Variants in KATNIP observed in about 807,000 individuals in gnomAD.
KATNIP encodes the protein katanin interacting protein.
KATNIP carries 126 observed loss-of-function variants against 174.0 expected under a neutral mutation model. That is an observed-to-expected ratio of 0.72 (90% CI 0.63 to 0.84). KATNIP has a LOEUF of 0.84. Among genes scored for constraint, KATNIP ranks in the 40% least tolerant of loss-of-function variants. The pLI is 0.00. For missense variants in KATNIP, 1,958 were observed against 2,109.7 expected, an observed-to-expected ratio of 0.93 and a Z score of 1.41; for synonymous variants, 810 against 835.7, an observed-to-expected ratio of 0.97 and a Z score of 0.53.
rs554360207 is a variant in KATNIP, at chr16:27,772,838, G to T, written c.4199-261G>T. On this transcript the variant is annotated intron_variant, in intron 22 of 27. Transcript: ENST00000261588. ...TGAATTCCTAATACACACACACACG[G>T]GCACACGCACACGTGCACACATGCA... Among the ~76,000 whole-genome samples the T allele has an allele frequency of 3.9e-4, 59 of 151,878 alleles. 2 individuals carry two copies. In the South Asian group the frequency reaches 0.012, roughly 32 times the overall value.
chr16:27,658,666 G>C (rs995762419), intron 6 of KATNIP, among the ~76,000 whole-genome samples: 1 of 152,156 alleles, frequency 6.6e-6, no homozygotes, highest in African/African-American at 2.4e-5. Context: ...ACCTGGAGGG[G>C]AGACGATGTC....
chr16:27,693,747 GT>G (rs1276189965), intron 8 of KATNIP, among the ~76,000 whole-genome samples: 1 of 152,168 alleles, frequency 6.6e-6, no homozygotes, highest in Non-Finnish European at 1.5e-5. Flanking sequence ...GTTCCTCTAG[GT>G]GCCTTGACCC....
intron 3 of KATNIP, among the ~76,000 whole-genome samples, chr16:27,620,516 C>T (rs1221184485): frequency 6.6e-6 from 1 of 152,018 alleles, no homozygotes; most frequent in East Asian, 1.9e-4. Context: ...CTGGACTCTA[C>T]GTTTTGCTTG....
rs372437542 is a variant in KATNIP, at chr16:27,660,514, A to G, written c.540+11779A>G. 6.6e-4 allele frequency among the ~76,000 whole-genome samples: 101 copies of G among 152,254 alleles called. 3 individuals carry two copies. The South Asian group carries it at 0.02, about 31-fold the overall frequency. On this transcript the variant is annotated intron_variant, in intron 6 of 27. Transcript: ENST00000261588. The stretch of plus-strand genomic sequence containing the variant: ...CAGTGAGCCGAGATGGCACCACTGC[A>G]CTCCAGCCTGGGCAACAGAGCAAGA...
chr16:27,700,980 G>A (rs531305850), intron 10 of KATNIP, among the ~76,000 whole-genome samples: 16 of 152,174 alleles, frequency 1.1e-4, no homozygotes, highest in East Asian at 5.8e-4. Flanking sequence ...GACTAAAATC[G>A]TCTGCAGATG....
Position 27,771,464 on chromosome 16 carries a change from C to T in KATNIP, c.4134-124C>T, listed in dbSNP as rs1285401109. Reference sequence around the variant, plus strand: ...GAGCAGGGGCCTCATCTCTCTTTTCCCTGCTGCATCCTAGGGAACGCTAAA... The same window carrying T: ...GAGCAGGGGCCTCATCTCTCTTTTCTCTGCTGCATCCTAGGGAACGCTAAA... On this transcript the variant is annotated intron_variant, in intron 21 of 27. Coordinates refer to ENST00000261588, the MANE Select transcript of KATNIP (RefSeq NM_015202.5). 3.6e-6 allele frequency: 3 copies of T among 826,646 alleles called. No individual in the cohort carries two copies. In the East Asian group the frequency reaches 8.0e-5, roughly 22 times the overall value. 51.2% of individuals were successfully genotyped at this position (826,646 alleles called of 1,614,324 possible). A position where few individuals can be genotyped will look rare whatever the true frequency, so the allele number is the denominator to read the frequency against.
chr16:27,648,714 C>T lies in KATNIP; in HGVS notation c.519C>T (p.Asn173=), dbSNP rs1567250776. The change falls in exon 6 of 28, where the codon AAC becomes AAT. Residue 173 remains asparagine, a synonymous_variant. Coordinates refer to ENST00000261588, the MANE Select transcript of KATNIP (RefSeq NM_015202.5). The part of the protein sequence containing the change: ...LCGDVTLQAN[N]TSEDRPQELR... ...GGGATGTGACTCTCCAGGCAAACAA[C>T]ACTTCTGAGGATCGTCCGCAGGTAG... 2 of 1,614,084 alleles carry T rather than the reference C, an allele frequency of 1.2e-6. No individual in the cohort carries two copies. Among genetic ancestry groups the T allele is most frequent in the South Asian group, 1.1e-5 (1 of 91,072 alleles).
At chr16:27,699,973 C>T (rs559697839) in intron 10 of KATNIP, among the ~76,000 whole-genome samples, 160 of 152,052 alleles carry the variant, frequency 1.1e-3, no homozygotes, top group African/African-American at 3.6e-3. Flanking sequence ...TGCAATGGTG[C>T]AATCTCGGCT....
intron 2 of KATNIP, among the ~76,000 whole-genome samples, chr16:27,583,593 G>A (rs1334704007): frequency 6.6e-6 from 1 of 152,166 alleles, no homozygotes; most frequent in African/African-American, 2.4e-5. Context: ...AGTCCTGGCT[G>A]CTGTCACTGA....
At position 27,623,867 on chromosome 16, in the gene KATNIP, C is replaced by T. The variant is rs190018316; in HGVS notation, c.141-4794C>T. ...CGCTGCCCTCTGAGAACACAGTGACCTGCCCTTTGTGTTCAAAGGGCCCTT... is the reference window on the plus strand; with the variant it reads ...CGCTGCCCTCTGAGAACACAGTGACTTGCCCTTTGTGTTCAAAGGGCCCTT... On this transcript the variant is annotated intron_variant, in intron 3 of 27. Coordinates refer to ENST00000261588, the MANE Select transcript of KATNIP (RefSeq NM_015202.5). Among the ~76,000 whole-genome samples, 32 of 152,272 alleles carry T rather than the reference C, an allele frequency of 2.1e-4. No individual in the cohort carries two copies. The East Asian group carries it at 6.2e-3, about 30-fold the overall frequency.
chr16:27,593,472 A>G (rs1033285246), intron 2 of KATNIP, among the ~76,000 whole-genome samples: 1 of 152,086 alleles, frequency 6.6e-6, no homozygotes. Context: ...TCCTGACCTC[A>G]GGTGATCTGC....
At chr16:27,622,029 T>C (rs2142088779) in intron 3 of KATNIP, among the ~76,000 whole-genome samples, 1 of 152,194 alleles carries the variant, frequency 6.6e-6, no homozygotes, top group Admixed American at 6.5e-5. Context: ...CGCAGTCTAC[T>C]GGCCGTTCCT....
chr16:27,579,165 T>C (rs2090603143), intron 2 of KATNIP, among the ~76,000 whole-genome samples: 1 of 152,230 alleles, frequency 6.6e-6, no homozygotes, highest in Non-Finnish European at 1.5e-5. Flanking sequence ...ATCTTCCAAT[T>C]CATCCCTACA....
intron 2 of KATNIP, among the ~76,000 whole-genome samples, chr16:27,580,220 C>T (rs2090645123): frequency 6.6e-6 from 1 of 152,178 alleles, no homozygotes; most frequent in African/African-American, 2.4e-5. Flanking sequence ...TCAAGTGATC[C>T]TCCCACCTCA....
intron 14 of KATNIP, among the ~76,000 whole-genome samples, chr16:27,730,632 C>T (rs529101940): frequency 6.6e-6 from 1 of 152,332 alleles, no homozygotes; most frequent in South Asian, 2.1e-4. Context: ...ACAAACCTGC[C>T]TTTCAAAACA....
At chr16:27,641,980 C>T (rs953736611) in intron 5 of KATNIP, among the ~76,000 whole-genome samples, 7 of 152,344 alleles carry the variant, frequency 4.6e-5, no homozygotes, top group East Asian at 3.9e-4. Context: ...TGCCCCTTCT[C>T]GAGCCATCTC....
intron 6 of KATNIP, among the ~76,000 whole-genome samples, chr16:27,668,585 A>AG: frequency 6.6e-6 from 1 of 152,208 alleles, no homozygotes; most frequent in South Asian, 2.1e-4. Context: ...ACTAATACAG[A>AG]GTCAGATGGT....
intron 6 of KATNIP, among the ~76,000 whole-genome samples, chr16:27,653,019 A>G (rs946260629): frequency 9.9e-5 from 15 of 152,150 alleles, no homozygotes; most frequent in African/African-American, 1.9e-4. Context: ...AAAACAAAAA[A>G]TCAAATGATA....
intron 2 of KATNIP, among the ~76,000 whole-genome samples, chr16:27,577,271 G>C (rs2090533986): frequency 6.6e-6 from 1 of 152,210 alleles, no homozygotes; most frequent in Non-Finnish European, 1.5e-5. Flanking sequence ...GCCGAGTGTG[G>C]TGGCTCACGC....
Sources: gnomAD v4.1 joint callset for allele counts (sites outside exome capture counted in the v4.1 genomes callset) on GRCh38, gnomAD v4.1.1 for gene constraint, MANE v1.5 for transcripts, NCBI Gene and HGNC (gene_info 2026-07-23, HGNC 2026-07-21) for gene names.